Variants in PTCHD4 observed in about 807,000 individuals in gnomAD.
PTCHD4 encodes the protein patched domain containing 4, also known as patched domain-containing protein 4.
Under a neutral mutation model 58.1 loss-of-function variants are expected in PTCHD4, and 33 were observed. The ratio of observed to expected loss-of-function variants is 0.57; its 90% CI spans 0.43 to 0.76. PTCHD4 has a LOEUF of 0.76. PTCHD4 is among the 30% of genes least tolerant of loss of function. The pLI, the probability that PTCHD4 is intolerant of heterozygous loss-of-function variation, is 0.00. For synonymous variants in PTCHD4, 478 were observed against 409.6 expected, an observed-to-expected ratio of 1.17 and a Z score of -2.02; for missense variants, 1,058 against 1,027.1, an observed-to-expected ratio of 1.03 and a Z score of -0.41.
At chr6:47,966,557 G>T (rs76661593) in intron 4 of PTCHD4, among the ~76,000 whole-genome samples, 1,955 of 152,238 alleles carry the variant, frequency 0.013, 17 homozygotes, top group Admixed American at 0.023. Context: ...TTTGTAGCAT[G>T]TGATGCTGTT....
chr6:47,932,698 C>G (rs1368892293), intron 4 of PTCHD4, among the ~76,000 whole-genome samples: 3 of 152,190 alleles, frequency 2.0e-5, no homozygotes, highest in African/African-American at 7.2e-5. Context: ...CCCACATATT[C>G]TGGAGCAAGC....
At chr6:47,904,652 A>C (rs1764818921) in intron 4 of PTCHD4, among the ~76,000 whole-genome samples, 1 of 152,228 alleles carries the variant, frequency 6.6e-6, no homozygotes, top group Non-Finnish European at 1.5e-5. Flanking sequence ...GGTAGAGAGG[A>C]TTATTTCTGG....
rs147268605 is a variant in PTCHD4 at position 47,873,180 on chromosome 6, C to T, written c.*5123G>A. On this transcript the variant is annotated 3_prime_UTR_variant, in exon 5 of 5. Coordinates refer to ENST00000339488, the MANE Select transcript of PTCHD4 (RefSeq NM_001384253.1). The stretch of plus-strand genomic sequence containing the variant: ...GTTATGAATCTAACAAATGAGAACC[C>T]AGTCTTCAAGTGCAATGTATTTGCC... Among the ~76,000 whole-genome samples the T allele has an allele frequency of 6.6e-6, 1 of 151,824 alleles. No homozygotes were observed. Among genetic ancestry groups the T allele is most frequent in the African/African-American group, 2.4e-5 (1 of 41,498 alleles).
At chr6:48,046,176 T>G (rs1764030816) in intron 3 of PTCHD4, among the ~76,000 whole-genome samples, 1 of 151,914 alleles carries the variant, frequency 6.6e-6, no homozygotes. Context: ...TTACTTTAGC[T>G]AATTTTTAAT....
chr6:47,991,059 G>A (rs1768265045), intron 4 of PTCHD4, among the ~76,000 whole-genome samples: 2 of 148,350 alleles, frequency 1.3e-5, no homozygotes, highest in African/African-American at 4.9e-5. Context: ...TTTGATTGGA[G>A]GACAAGAGGG....
chr6:47,979,043 T>A (rs1767791272), intron 4 of PTCHD4, among the ~76,000 whole-genome samples: 1 of 152,146 alleles, frequency 6.6e-6, no homozygotes, highest in African/African-American at 2.4e-5. Flanking sequence ...CAGTTAAAAA[T>A]TTTATCACCT....
chr6:48,104,692 G>A (rs1582143499), intron 1 of PTCHD4, among the ~76,000 whole-genome samples: 1 of 152,152 alleles, frequency 6.6e-6, no homozygotes, highest in African/African-American at 2.4e-5. Flanking sequence ...TCAGTGTGCT[G>A]TATTCAGGAA....
rs1401642252 is a variant in PTCHD4, at chr6:47,876,706, AT to A, written c.*1596del. Among the ~76,000 whole-genome samples the A allele has an allele frequency of 2.6e-5, 4 of 152,028 alleles. No individual in the cohort carries two copies. Among genetic ancestry groups the A allele is most frequent in the Non-Finnish European group, 5.9e-5 (4 of 67,962 alleles). ...CAGATTTTATAATCATCGGACATTT[AT>A]TCTGTCCTACCTGGAAATAAATTAT... On this transcript the variant is annotated 3_prime_UTR_variant, in exon 5 of 5. Coordinates refer to ENST00000339488, the MANE Select transcript of PTCHD4 (RefSeq NM_001384253.1).
intron 4 of PTCHD4, among the ~76,000 whole-genome samples, chr6:47,964,582 AT>A (rs1171519596): frequency 1.3e-5 from 2 of 152,146 alleles, no homozygotes; most frequent in Non-Finnish European, 2.9e-5. Context: ...GAAGACTTTT[AT>A]TTTATTTTTT....
At chr6:47,961,214 T>G (rs1767078345) in intron 4 of PTCHD4, among the ~76,000 whole-genome samples, 1 of 152,098 alleles carries the variant, frequency 6.6e-6, no homozygotes, top group African/African-American at 2.4e-5. Flanking sequence ...ATTGGGAAAC[T>G]ATATAATGTA....
At chr6:47,971,402 G>A (rs1474471684) in intron 4 of PTCHD4, among the ~76,000 whole-genome samples, 4 of 152,112 alleles carry the variant, frequency 2.6e-5, no homozygotes, top group Non-Finnish European at 4.4e-5. Context: ...CCACTGTGCT[G>A]TGTACCCAGC....
intron 1 of PTCHD4, among the ~76,000 whole-genome samples, chr6:48,105,299 C>A (rs2113917059): frequency 1.3e-5 from 2 of 152,272 alleles, no homozygotes; most frequent in African/African-American, 4.8e-5. Flanking sequence ...TTAAGAAACT[C>A]ACTCAAAACT....
chr6:48,034,209 C>T (rs1023571117), intron 3 of PTCHD4, among the ~76,000 whole-genome samples: 1 of 151,948 alleles, frequency 6.6e-6, no homozygotes, highest in Non-Finnish European at 1.5e-5. Context: ...ACTAAAATTA[C>T]CTGTACAGTG....
At chr6:48,029,125 T>C (rs892267964) in intron 3 of PTCHD4, among the ~76,000 whole-genome samples, 1 of 152,094 alleles carries the variant, frequency 6.6e-6, no homozygotes, top group African/African-American at 2.4e-5. Context: ...GTTACTGTTT[T>C]AAACATTACA....
At chr6:48,044,579 C>A (rs1207989989) in intron 3 of PTCHD4, among the ~76,000 whole-genome samples, 2 of 151,812 alleles carry the variant, frequency 1.3e-5, no homozygotes, top group African/African-American at 4.8e-5. Flanking sequence ...TACAGCCCAC[C>A]AAACAAACCT....
At position 47,864,754 on chromosome 6, in the gene PTCHD4, T is replaced by G. The variant is rs1158457095; in HGVS notation, c.*13549A>C. On this transcript the variant is annotated 3_prime_UTR_variant, in exon 5 of 5. Transcript: ENST00000339488. ...CATTTTAATGCTAATGTTAAAACCA[T>G]GTATGTGTGAAATATTTGACAGGAC... Among the ~76,000 whole-genome samples, 17 of 152,008 alleles carry G rather than the reference T, an allele frequency of 1.1e-4. No homozygotes were observed. Among genetic ancestry groups the G allele is most frequent in the Non-Finnish European group, 4.4e-5 (3 of 67,930 alleles).
chr6:48,060,039 G>GT (rs1178541613), intron 3 of PTCHD4, among the ~76,000 whole-genome samples: 1 of 152,210 alleles, frequency 6.6e-6, no homozygotes, highest in Non-Finnish European at 1.5e-5. Context: ...ATGTGATTGT[G>GT]TGTGTGTGTG....
At position 47,876,166 on chromosome 6, in the gene PTCHD4, A is replaced by T. The variant is rs1763843108; in HGVS notation, c.*2137T>A. On this transcript the variant is annotated 3_prime_UTR_variant, in exon 5 of 5. Transcript: ENST00000339488. ...GATATGAGATCATGGTCTGGAGGCT[A>T]CTCGTACCAAATACCAGTTCATTCT... is the stretch of plus-strand genomic sequence containing the variant. Among the ~76,000 whole-genome samples the T allele has an allele frequency of 6.6e-6, 1 of 151,726 alleles. No individual in the cohort carries two copies. The highest frequency in any genetic ancestry group is 2.1e-4 in the South Asian group (1 of 4,806).
chr6:47,930,029 C>G (rs1298068123), intron 4 of PTCHD4, among the ~76,000 whole-genome samples: 2 of 152,210 alleles, frequency 1.3e-5, no homozygotes, highest in South Asian at 2.1e-4. Context: ...GTCTTACTCT[C>G]AAGCTTGTTT....
Sources: allele counts gnomAD v4.1 joint callset (sites outside exome capture counted in the v4.1 genomes callset), GRCh38; gene constraint gnomAD v4.1.1; transcripts MANE v1.5; gene names NCBI Gene and HGNC (gene_info 2026-07-23, HGNC 2026-07-21).